Variants in BCLAF3 observed in about 807,000 individuals in gnomAD.
BCLAF3 encodes the protein transient octamer binding factor 1.
Under a neutral mutation model 51.2 loss-of-function variants are expected in BCLAF3, and 24 were observed. The observed-to-expected ratio is 0.47, with a 90% CI of 0.34 to 0.66. The LOEUF is 0.66. Ranked by LOEUF, BCLAF3 falls within the 30% of genes least tolerant of loss-of-function variation. BCLAF3 has a pLI of 0.01. For synonymous variants in BCLAF3, 152 were observed against 176.6 expected, an observed-to-expected ratio of 0.86 and a Z score of 1.10; for missense variants, 465 against 525.1, an observed-to-expected ratio of 0.89 and a Z score of 1.12.
rs770108486 is a variant in BCLAF3 at position 19,917,011 on chromosome X, C to T, written c.*294G>A. ...TGAATATTACTTGGTGAAGTTCTCT[C>T]TATGAAACCATGCTCAGAGAAAAAT... On this transcript the variant is annotated 3_prime_UTR_variant, in exon 12 of 12. Transcript: ENST00000379682. 3.3e-6 allele frequency: 1 copy of T among 304,502 alleles called. No homozygotes were observed. Among genetic ancestry groups the T allele is most frequent in the Non-Finnish European group, 5.7e-6 (1 of 176,696 alleles). 25.1% of individuals were successfully genotyped at this position (304,502 alleles called of 1,213,427 possible).
intron 7 of BCLAF3, among the ~76,000 whole-genome samples, chrX:19,952,017 G>GA (rs770506638): frequency 1.8e-5 from 2 of 111,942 alleles, no homozygotes; most frequent in East Asian, 2.8e-4. Flanking sequence ...CACGTGAAAA[G>GA]AAAAAAGCAT....
At chrX:19,924,848 G>A (rs7060796) in intron 11 of BCLAF3, among the ~76,000 whole-genome samples, 37,082 of 110,117 alleles carry the variant, frequency 0.34, 7,332 homozygotes, top group African/African-American at 0.75. Context: ...CAGACTCTCA[G>A]GAGTTTCTGA....
intron 11 of BCLAF3, among the ~76,000 whole-genome samples, chrX:19,925,610 A>G (rs2070329506): frequency 9.0e-6 from 1 of 111,519 alleles, no homozygotes; most frequent in Non-Finnish European, 1.9e-5. Context: ...AGAACCTTCA[A>G]AGTTCCCTCT....
chrX:19,969,294 C>T (rs776461238), intron 2 of BCLAF3, among the ~76,000 whole-genome samples: 1 of 111,993 alleles, frequency 8.9e-6, no homozygotes, highest in South Asian at 3.7e-4. Flanking sequence ...AACTGAAATG[C>T]ACAAGCAAAA....
chrX:19,948,824 C>G (rs1475874459), intron 8 of BCLAF3, among the ~76,000 whole-genome samples: 2 of 107,848 alleles, frequency 1.9e-5, no homozygotes, highest in Non-Finnish European at 3.8e-5. Context: ...CAGGATTAGA[C>G]AAATCCATAG....
chrX:19,945,586 G>C (rs1385215599), intron 8 of BCLAF3, among the ~76,000 whole-genome samples: 1 of 78,666 alleles, frequency 1.3e-5, no homozygotes, highest in Non-Finnish European at 2.1e-5. Context: ...TAGGCTGCTC[G>C]GGGGTCAGGG....
chrX:19,952,111 T>C (rs2071505127), intron 7 of BCLAF3, among the ~76,000 whole-genome samples: 1 of 112,047 alleles, frequency 8.9e-6, no homozygotes, highest in Non-Finnish European at 1.9e-5. Flanking sequence ...TAATAGTTTG[T>C]GCTAAATGAC....
chrX:19,989,256 G>A (rs1009489880), intron 1 of BCLAF3, among the ~76,000 whole-genome samples: 4 of 111,628 alleles, frequency 3.6e-5, no homozygotes, highest in African/African-American at 1.3e-4. Flanking sequence ...AGCACTTTGC[G>A]AGGCCGAGGC....
intron 3 of BCLAF3, 93 bp downstream of exon 3, chrX:19,965,987 C>T: frequency 1.2e-6 from 1 of 861,421 alleles, no homozygotes; most frequent in Non-Finnish European, 1.6e-6. Context: ...TAGACAAAAG[C>T]TTTTCAAGGT....
intron 11 of BCLAF3, among the ~76,000 whole-genome samples, chrX:19,920,740 AAG>A (rs1200343319): frequency 9.2e-6 from 1 of 108,991 alleles, no homozygotes; most frequent in African/African-American, 3.4e-5. Flanking sequence ...AGGATCACTT[AAG>A]CCCGGGAGGT....
intron 4 of BCLAF3, among the ~76,000 whole-genome samples, chrX:19,958,560 CCTTTT>C (rs1395854707): frequency 8.9e-6 from 1 of 112,043 alleles, no homozygotes; most frequent in African/African-American, 3.2e-5. Context: ...TTCTAGTGTA[CCTTTT>C]CTATGTTTAG....
intron 4 of BCLAF3, among the ~76,000 whole-genome samples, chrX:19,959,450 G>T (rs2071776415): frequency 9.0e-6 from 1 of 111,403 alleles, no homozygotes; most frequent in Admixed American, 9.5e-5. Context: ...TTTGAAATGA[G>T]TGTTTCAGCT....
intron 8 of BCLAF3, among the ~76,000 whole-genome samples, chrX:19,938,351 T>C (rs1481003096): frequency 9.0e-6 from 1 of 111,506 alleles, no homozygotes. Flanking sequence ...TGGCCCTTGC[T>C]ACCTCGCTCC....
intron 8 of BCLAF3, among the ~76,000 whole-genome samples, chrX:19,939,566 C>A (rs1040894044): frequency 8.9e-6 from 1 of 111,871 alleles, no homozygotes; most frequent in Non-Finnish European, 1.9e-5. Flanking sequence ...CAATGAGACA[C>A]CACTTTACAC....
At chrX:19,952,472 G>C (rs755038285) in intron 7 of BCLAF3, among the ~76,000 whole-genome samples, 2 of 109,331 alleles carry the variant, frequency 1.8e-5, no homozygotes, top group African/African-American at 6.7e-5. Context: ...GGGAGGTGTC[G>C]GGTGGGAACG....
At chrX:19,976,861 G>A (rs2072442049) in intron 1 of BCLAF3, among the ~76,000 whole-genome samples, 1 of 111,671 alleles carries the variant, frequency 9.0e-6, no homozygotes, top group Admixed American at 9.5e-5. Context: ...AGGGTTTGTG[G>A]CAAACCTGCA....
chrX:19,917,459 C>T (rs7061619), intron 11 of BCLAF3, 125 bp from the exon 12 acceptor site: 103,316 of 556,316 alleles, frequency 0.19, 10,098 homozygotes, highest in African/African-American at 0.57. Flanking sequence ...CCCCGAGATT[C>T]CCACGAAGGC....
At chrX:19,972,806 G>A (rs189915577) in intron 1 of BCLAF3, among the ~76,000 whole-genome samples, 42 of 111,955 alleles carry the variant, frequency 3.8e-4, no homozygotes, top group African/African-American at 1.3e-3. Flanking sequence ...GTATCAGTAC[G>A]TCATCCCTTT....
At chrX:19,968,888 C>A (rs1320627719) in intron 2 of BCLAF3, among the ~76,000 whole-genome samples, 2 of 111,356 alleles carry the variant, frequency 1.8e-5, no homozygotes, top group African/African-American at 6.5e-5. Flanking sequence ...CCGAGGCGGG[C>A]GGATCACGAG....
Sources: gnomAD v4.1 joint callset for allele counts (sites outside exome capture counted in the v4.1 genomes callset) on GRCh38, gnomAD v4.1.1 for gene constraint, MANE v1.5 for transcripts, NCBI Gene and HGNC (gene_info 2026-07-23, HGNC 2026-07-21) for gene names.